Variants in FRMD5 observed in about 807,000 individuals in gnomAD.
The protein encoded by FRMD5 is FERM domain-containing protein 5.
FRMD5 carries 20 observed loss-of-function variants against 69.0 expected under a neutral mutation model. The observed-to-expected ratio is 0.29, with a 90% confidence interval of 0.20 to 0.42. FRMD5 has a LOEUF of 0.42. Ranked by LOEUF, FRMD5 falls within the 10% of genes least tolerant of loss-of-function variation. The probability of loss-of-function intolerance (pLI) is 1.00; values close to 1 mark genes in which losing one functional copy is unlikely to be tolerated. For synonymous variants in FRMD5, 271 were observed against 260.1 expected, an observed-to-expected ratio of 1.04 and a Z score of -0.40; for missense variants, 595 against 708.6, an observed-to-expected ratio of 0.84 and a Z score of 1.82.
intron 1 of FRMD5, among the ~76,000 whole-genome samples, chr15:44,043,559 A>G (rs1312838711): frequency 6.6e-6 from 1 of 152,214 alleles, no homozygotes; most frequent in Non-Finnish European, 1.5e-5. Context: ...ACAGCATGGT[A>G]CTGGTACCAA....
chr15:44,162,543 G>C (rs1182042806), intron 1 of FRMD5, among the ~76,000 whole-genome samples: 1 of 152,012 alleles, frequency 6.6e-6, no homozygotes, highest in Non-Finnish European at 1.5e-5. Flanking sequence ...CCTGCCTCCA[G>C]GCTGAAAATT....
chr15:44,188,627 C>T (rs1311193525), intron 1 of FRMD5, among the ~76,000 whole-genome samples: 1 of 152,138 alleles, frequency 6.6e-6, no homozygotes, highest in Admixed American at 6.6e-5. Flanking sequence ...TATCTAGGGG[C>T]CATACTTTGA....
chr15:44,028,623 G>A (rs530822110), intron 1 of FRMD5, among the ~76,000 whole-genome samples: 181 of 152,316 alleles, frequency 1.2e-3, no homozygotes, highest in African/African-American at 4.2e-3. Flanking sequence ...ATAAGAGGAT[G>A]AACTGGATGG....
intron 1 of FRMD5, among the ~76,000 whole-genome samples, chr15:44,032,965 C>A (rs903524272): frequency 1.3e-5 from 2 of 152,050 alleles, no homozygotes; most frequent in Non-Finnish European, 2.9e-5. Context: ...ACCTAAATGC[C>A]CATCAATGAC....
At chr15:43,982,885 G>T (rs1302370080) in intron 1 of FRMD5, among the ~76,000 whole-genome samples, 10 of 152,134 alleles carry the variant, frequency 6.6e-5, no homozygotes, top group Non-Finnish European at 1.2e-4. Context: ...CAGTTGGAAA[G>T]AAAAAACTAG....
intron 1 of FRMD5, among the ~76,000 whole-genome samples, chr15:43,951,224 T>C (rs2090021699): frequency 6.6e-6 from 1 of 151,904 alleles, no homozygotes; most frequent in African/African-American, 2.4e-5. Context: ...ATCGAGACCA[T>C]CCTGGCTAAT....
chr15:44,190,352 G>A (rs974972918), intron 1 of FRMD5, among the ~76,000 whole-genome samples: 3 of 152,118 alleles, frequency 2.0e-5, no homozygotes, highest in African/African-American at 4.8e-5. Flanking sequence ...GGTACTAAGG[G>A]GAAAAGTGTG....
At chr15:44,035,448 C>T (rs889617658) in intron 1 of FRMD5, among the ~76,000 whole-genome samples, 1 of 152,186 alleles carries the variant, frequency 6.6e-6, no homozygotes, top group South Asian at 2.1e-4. Flanking sequence ...CTGTGCCTGA[C>T]TGGCTGTGAG....
At chr15:44,097,159 C>G (rs961807858) in intron 1 of FRMD5, among the ~76,000 whole-genome samples, 1 of 152,058 alleles carries the variant, frequency 6.6e-6, no homozygotes, top group Non-Finnish European at 1.5e-5. Flanking sequence ...AGTGAGAGAA[C>G]AAGAAGTCCA....
intron 1 of FRMD5, among the ~76,000 whole-genome samples, chr15:44,188,819 G>A (rs2078145634): frequency 6.6e-6 from 1 of 152,018 alleles, no homozygotes; most frequent in Non-Finnish European, 1.5e-5. Context: ...GGTTGTCTGA[G>A]GCTTTGAACT....
At chr15:44,054,896 C>G (rs891032034) in intron 1 of FRMD5, among the ~76,000 whole-genome samples, 1 of 151,848 alleles carries the variant, frequency 6.6e-6, no homozygotes, top group African/African-American at 2.4e-5. Flanking sequence ...ATGGTGAAAC[C>G]CCATCTCTAC....
At chr15:44,170,890 G>A (rs565704280) in intron 1 of FRMD5, among the ~76,000 whole-genome samples, 14 of 152,124 alleles carry the variant, frequency 9.2e-5, no homozygotes, top group African/African-American at 1.2e-4. Context: ...ACTTACTATC[G>A]ATTTTTACAG....
chr15:44,004,682 A>G (rs1890359298), intron 1 of FRMD5, among the ~76,000 whole-genome samples: 1 of 152,202 alleles, frequency 6.6e-6, no homozygotes, highest in Non-Finnish European at 1.5e-5. Context: ...GGGCCTCCCT[A>G]TACCCTGAGA....
intron 1 of FRMD5, among the ~76,000 whole-genome samples, chr15:44,159,288 G>T (rs542504023): frequency 1.1e-4 from 16 of 152,072 alleles, no homozygotes; most frequent in Non-Finnish European, 5.9e-5. Context: ...ACCACATAAG[G>T]TATCTGTGGA....
At chr15:44,085,011 A>T (rs1277004715) in intron 1 of FRMD5, among the ~76,000 whole-genome samples, 1 of 152,132 alleles carries the variant, frequency 6.6e-6, no homozygotes, top group Non-Finnish European at 1.5e-5. Flanking sequence ...GAGCACCAAG[A>T]GATTTACCTA....
intron 1 of FRMD5, among the ~76,000 whole-genome samples, chr15:43,924,985 A>G (rs1363841351): frequency 1.3e-5 from 2 of 150,078 alleles, no homozygotes; most frequent in Admixed American, 6.6e-5. Flanking sequence ...AGCAACTGTT[A>G]TCAGCTTCTT....
chr15:44,146,314 T>C (rs528753152), intron 1 of FRMD5, among the ~76,000 whole-genome samples: 5 of 152,312 alleles, frequency 3.3e-5, no homozygotes, highest in South Asian at 4.2e-4. Flanking sequence ...TCCATGTCCC[T>C]GCAAAGGACA....
intron 1 of FRMD5, among the ~76,000 whole-genome samples, chr15:44,075,847 G>A (rs866237922): frequency 2.2e-4 from 33 of 152,256 alleles, no homozygotes; most frequent in Admixed American, 1.0e-3. Flanking sequence ...AAAGCTCTAT[G>A]ATTGCCATTC....
intron 6 of FRMD5, among the ~76,000 whole-genome samples, chr15:43,904,444 C>A (rs989703405): frequency 1.3e-5 from 2 of 152,194 alleles, no homozygotes; most frequent in African/African-American, 4.8e-5. Flanking sequence ...TTCCAGCTCA[C>A]TGCAACCTCC....
Sources: gnomAD v4.1 joint callset for allele counts (sites outside exome capture counted in the v4.1 genomes callset) on GRCh38, gnomAD v4.1.1 for gene constraint, MANE v1.5 for transcripts, NCBI Gene and HGNC (gene_info 2026-07-23, HGNC 2026-07-21) for gene names.